The following SNTG1 variants were observed in gnomAD, a reference collection of about 807,000 sequenced individuals.
SNTG1 encodes the protein gamma-1-syntrophin.
In SNTG1, 39 loss-of-function variants were observed where a neutral mutation model predicts 74.7. The observed-to-expected ratio is 0.52, with a 90% CI of 0.40 to 0.68. The LOEUF (loss-of-function observed/expected upper bound fraction) is 0.68. SNTG1 is among the 30% of genes least tolerant of loss of function. SNTG1 has a pLI of 0.00. For missense variants in SNTG1, 685 were observed against 609.5 expected (o/e 1.12, Z -1.30); for synonymous variants, 254 against 217.1 (o/e 1.17, Z -1.49).
intron 13 of SNTG1, among the ~76,000 whole-genome samples, chr8:50,634,411 T>C (rs2131132370): frequency 6.6e-6 from 1 of 152,332 alleles, no homozygotes; most frequent in African/African-American, 2.4e-5. Flanking sequence ...ATCTTTGAAC[T>C]CATTTCATCT....
At chr8:50,305,141 T>C (rs2089831721) in intron 2 of SNTG1, among the ~76,000 whole-genome samples, 1 of 152,236 alleles carries the variant, frequency 6.6e-6, no homozygotes, top group Middle Eastern at 3.4e-3. Flanking sequence ...CCTCAGGTGC[T>C]CACAGGAACA....
intron 2 of SNTG1, among the ~76,000 whole-genome samples, chr8:50,379,749 G>T (rs1301459261): frequency 6.6e-6 from 1 of 152,260 alleles, no homozygotes; most frequent in Non-Finnish European, 1.5e-5. Flanking sequence ...CTTTCACACA[G>T]GTGAAAGTTA....
At chr8:50,729,247 G>T (rs2095507182) in intron 17 of SNTG1, among the ~76,000 whole-genome samples, 1 of 152,054 alleles carries the variant, frequency 6.6e-6, no homozygotes, top group African/African-American at 2.4e-5. Context: ...TTTTTACATT[G>T]CCCTGCTGTA....
intron 11 of SNTG1, among the ~76,000 whole-genome samples, chr8:50,548,693 T>C (rs1014209938): frequency 6.6e-6 from 1 of 151,664 alleles, no homozygotes; most frequent in African/African-American, 2.4e-5. Context: ...AGTGTTGCAA[T>C]AAAGGAATCA....
intron 13 of SNTG1, among the ~76,000 whole-genome samples, chr8:50,593,482 G>T (rs1585787074): frequency 6.6e-6 from 1 of 151,458 alleles, no homozygotes; most frequent in Non-Finnish European, 1.5e-5. Context: ...GACAAGAAGA[G>T]GACATGGTGC....
At chr8:50,674,564 T>A (rs1382665044) in intron 15 of SNTG1, among the ~76,000 whole-genome samples, 1 of 152,114 alleles carries the variant, frequency 6.6e-6, no homozygotes, top group African/African-American at 2.4e-5. Flanking sequence ...TTCTACTCTC[T>A]TTTCTTCTTA....
At chr8:50,463,556 G>C (rs1208341393) in intron 8 of SNTG1, among the ~76,000 whole-genome samples, 1 of 152,134 alleles carries the variant, frequency 6.6e-6, no homozygotes, top group Non-Finnish European at 1.5e-5. Context: ...CTTTTGAAAG[G>C]AATCTTATTT....
chr8:50,694,512 A>G (rs1044964639), intron 15 of SNTG1, among the ~76,000 whole-genome samples: 1 of 152,154 alleles, frequency 6.6e-6, no homozygotes, highest in Non-Finnish European at 1.5e-5. Context: ...AAACATTTTA[A>G]AAAGAACTGA....
rs146880369 is a variant in SNTG1 at position 50,312,231 on chromosome 8, A to G, written c.-27-81981A>G. ...TTATCTGGGATTTCAGTGATATTGT[A>G]AAATATTAAACCAACAAATGCTTTT... On this transcript the variant is annotated intron_variant, in intron 2 of 18. Transcript: ENST00000642720. Among the ~76,000 whole-genome samples, 9 of 152,246 alleles carry G rather than the reference A, an allele frequency of 5.9e-5. No homozygotes were observed. In the East Asian group the frequency reaches 1.5e-3, roughly 26 times the overall value.
chr8:50,108,243 A>G (rs1212123674), intron 1 of SNTG1, among the ~76,000 whole-genome samples: 5 of 152,226 alleles, frequency 3.3e-5, no homozygotes, highest in African/African-American at 9.6e-5. Context: ...AATAACAGCA[A>G]CAAATGAACA....
intron 1 of SNTG1, among the ~76,000 whole-genome samples, chr8:50,160,495 A>G (rs1355863661): frequency 6.6e-6 from 1 of 152,184 alleles, no homozygotes; most frequent in African/African-American, 2.4e-5. Flanking sequence ...ACTTAGAAGC[A>G]TGGACATTCT....
chr8:50,783,343 G>T (rs1292341761), intron 18 of SNTG1, among the ~76,000 whole-genome samples: 2 of 152,228 alleles, frequency 1.3e-5, no homozygotes, highest in Admixed American at 1.3e-4. Context: ...GCTATTGTGG[G>T]CTCCACCCAG....
At chr8:50,497,275 A>T (rs1169586579) in intron 8 of SNTG1, among the ~76,000 whole-genome samples, 1 of 152,008 alleles carries the variant, frequency 6.6e-6, no homozygotes, top group African/African-American at 2.4e-5. Flanking sequence ...TAACCAATAC[A>T]TGTCATATTT....
chr8:50,583,714 CTT>C (rs113770321), intron 12 of SNTG1, among the ~76,000 whole-genome samples: 13,680 of 143,506 alleles, frequency 0.095, 803 homozygotes, highest in African/African-American at 0.17. Context: ...AAATGCTGAG[CTT>C]TTTTTTTTTT....
At chr8:50,267,999 G>A (rs1010898126) in intron 2 of SNTG1, among the ~76,000 whole-genome samples, 1 of 152,104 alleles carries the variant, frequency 6.6e-6, no homozygotes, top group Non-Finnish European at 1.5e-5. Context: ...TGACGTTTTT[G>A]ACTATATAGA....
At chr8:50,356,464 A>G (rs1268833732) in intron 2 of SNTG1, among the ~76,000 whole-genome samples, 1 of 152,150 alleles carries the variant, frequency 6.6e-6, no homozygotes, top group African/African-American at 2.4e-5. Context: ...GTCTTAGTCC[A>G]TTTGTGCTGC....
intron 9 of SNTG1, among the ~76,000 whole-genome samples, chr8:50,506,932 T>C (rs1391756797): frequency 2.0e-5 from 3 of 152,140 alleles, no homozygotes; most frequent in African/African-American, 7.2e-5. Context: ...TTCAGTATAA[T>C]GTTAGCTATG....
intron 18 of SNTG1, among the ~76,000 whole-genome samples, chr8:50,758,379 G>A (rs1244552585): frequency 6.6e-6 from 1 of 151,888 alleles, no homozygotes; most frequent in Non-Finnish European, 1.5e-5. Context: ...GTGCAGGTTT[G>A]TTATATAGGT....
Position 50,656,992 on chromosome 8 carries a change from G to A in SNTG1, c.933G>A (p.Arg311=), listed in dbSNP as rs1219582961. 3.8e-6 allele frequency: 6 copies of A among 1,582,518 alleles called. No homozygotes were observed. The South Asian group carries it at 5.9e-5, about 15-fold the overall frequency. ...RVYSPTFLAL[R]GSCLYKFLAP... The stretch of plus-strand genomic sequence containing the variant: ...ACTCCCCGACCTTCCTGGCCCTGAG[G>A]GGCTCATGTCTCTACAAGTTTCTGG... The change falls in exon 14 of 19, where the codon AGG becomes AGA. Residue 311 remains arginine (R), a synonymous_variant. Coordinates refer to ENST00000642720, the MANE Select transcript of SNTG1 (RefSeq NM_018967.5).
Sources: allele counts gnomAD v4.1 joint callset (sites outside exome capture counted in the v4.1 genomes callset), GRCh38; gene constraint gnomAD v4.1.1; transcripts MANE v1.5; gene names NCBI Gene and HGNC (gene_info 2026-07-23, HGNC 2026-07-21).